The following CHST9 variants were observed in gnomAD, a reference collection of about 807,000 sequenced individuals.
CHST9 encodes the protein carbohydrate sulfotransferase 9.
CHST9 carries 41 observed loss-of-function variants against 44.4 expected under a neutral mutation model. The ratio of observed to expected loss-of-function variants is 0.92; its 90% CI spans 0.72 to 1.20. CHST9 has a LOEUF of 1.20. CHST9 is among the 50% of genes most tolerant of loss of function. The probability of loss-of-function intolerance (pLI) is 0.00; values close to 1 mark genes in which losing one functional copy is unlikely to be tolerated. For missense variants in CHST9, 504 were observed against 516.5 expected, an observed-to-expected ratio of 0.98 and a Z score of 0.23; for synonymous variants, 171 against 178.4, an observed-to-expected ratio of 0.96 and a Z score of 0.33.
At chr18:27,114,101 A>T (rs955549828) in intron 2 of CHST9, among the ~76,000 whole-genome samples, 8 of 152,252 alleles carry the variant, frequency 5.3e-5, no homozygotes, top group Admixed American at 1.3e-4. Flanking sequence ...ACAAACTGAC[A>T]TAATGCAAAC....
chr18:27,172,590 T>C (rs2058841529), intron 1 of CHST9, among the ~76,000 whole-genome samples: 1 of 152,048 alleles, frequency 6.6e-6, no homozygotes, highest in Non-Finnish European at 1.5e-5. Context: ...AACTGATTAC[T>C]AATATATTTG....
At chr18:27,146,668 G>A (rs957307238) in intron 1 of CHST9, among the ~76,000 whole-genome samples, 8 of 152,140 alleles carry the variant, frequency 5.3e-5, no homozygotes, top group Non-Finnish European at 8.8e-5. Flanking sequence ...AATATCTTGA[G>A]CCTAAAAGGT....
chr18:27,034,662 C>G (rs2057373099), intron 3 of CHST9, among the ~76,000 whole-genome samples: 1 of 152,204 alleles, frequency 6.6e-6, no homozygotes, highest in Non-Finnish European at 1.5e-5. Context: ...TGCCCTGCCT[C>G]AGGGCCTTTG....
intron 4 of CHST9, among the ~76,000 whole-genome samples, chr18:26,999,098 G>A (rs1166543327): frequency 1.3e-5 from 2 of 152,156 alleles, no homozygotes; most frequent in African/African-American, 4.8e-5. Context: ...AAATTAGGAT[G>A]GACAGCCTTT....
At chr18:26,951,165 G>T (rs1012337063) in intron 4 of CHST9, among the ~76,000 whole-genome samples, 1 of 152,112 alleles carries the variant, frequency 6.6e-6, no homozygotes, top group Admixed American at 6.5e-5. Flanking sequence ...TGAGCTTCAG[G>T]AATAAAATTT....
intron 1 of CHST9, among the ~76,000 whole-genome samples, chr18:27,151,931 C>T (rs1317708534): frequency 3.9e-5 from 6 of 152,266 alleles, no homozygotes; most frequent in Admixed American, 3.9e-4. Flanking sequence ...AAAACGAACA[C>T]AGTACAATGC....
chr18:27,050,786 T>G (rs2057557066), intron 2 of CHST9, among the ~76,000 whole-genome samples: 1 of 152,188 alleles, frequency 6.6e-6, no homozygotes, highest in Non-Finnish European at 1.5e-5. Context: ...TGCTTACTGT[T>G]GGATTATTCA....
intron 2 of CHST9, among the ~76,000 whole-genome samples, chr18:27,086,927 G>A (rs1251138517): frequency 6.6e-6 from 1 of 151,978 alleles, no homozygotes; most frequent in Non-Finnish European, 1.5e-5. Context: ...CTAACATGAG[G>A]TGGTTTCTTT....
chr18:27,078,344 C>T (rs2057926311), intron 2 of CHST9, among the ~76,000 whole-genome samples: 1 of 152,124 alleles, frequency 6.6e-6, no homozygotes, highest in South Asian at 2.1e-4. Context: ...CTATAAAATG[C>T]TTCACATTGA....
intron 4 of CHST9, among the ~76,000 whole-genome samples, chr18:27,011,581 G>C (rs16943175): frequency 0.26 from 39,820 of 152,180 alleles, 5,789 homozygotes; most frequent in African/African-American, 0.39. Flanking sequence ...CAGGAAACTA[G>C]AGTGGCTACC....
intron 5 of CHST9, among the ~76,000 whole-genome samples, chr18:26,931,240 TG>T (rs1367911914): frequency 6.6e-6 from 1 of 152,204 alleles, no homozygotes; most frequent in African/African-American, 2.4e-5. Flanking sequence ...ATCTGCACCT[TG>T]GGAGGAACAA....
intron 2 of CHST9, among the ~76,000 whole-genome samples, chr18:27,117,406 G>A (rs2058335374): frequency 6.6e-6 from 1 of 151,938 alleles, no homozygotes; most frequent in Admixed American, 6.6e-5. Flanking sequence ...TACTAAAGTG[G>A]ACTCATAGTT....
intron 5 of CHST9, among the ~76,000 whole-genome samples, chr18:26,932,645 C>T (rs571964898): frequency 3.9e-5 from 6 of 152,190 alleles, no homozygotes; most frequent in Non-Finnish European, 7.4e-5. Context: ...GAGATGCTAG[C>T]TCTATAATGC....
At chr18:26,994,999 T>G (rs1390996208) in intron 4 of CHST9, among the ~76,000 whole-genome samples, 1 of 152,072 alleles carries the variant, frequency 6.6e-6, no homozygotes, top group African/African-American at 2.4e-5. Flanking sequence ...GCCTCTCTCT[T>G]TGAGTGCTCA....
At chr18:27,009,523 G>A (rs2057058015) in intron 4 of CHST9, among the ~76,000 whole-genome samples, 1 of 152,194 alleles carries the variant, frequency 6.6e-6, no homozygotes, top group Non-Finnish European at 1.5e-5. Context: ...CTGGGTCTTA[G>A]TATAATTTCC....
At chr18:27,057,939 A>C (rs2057676743) in intron 2 of CHST9, among the ~76,000 whole-genome samples, 1 of 152,218 alleles carries the variant, frequency 6.6e-6, no homozygotes, top group African/African-American at 2.4e-5. Flanking sequence ...GCACGTAATT[A>C]ATGTGACAAA....
In CHST9 at chr18:26,966,017, G is replaced by A. The variant is rs375540866; in HGVS notation, c.203-21651C>T. On this transcript the variant is annotated intron_variant, in intron 4 of 5. Transcript: ENST00000618847. ...TGCCTCAGTTCCTATGCCTAATGTT[G>A]CACAGTTTGGCAAAAAGTAAATAGT... 1.3e-3 allele frequency among the ~76,000 whole-genome samples: 202 copies of A among 152,306 alleles called. 1 individual carries two copies. The highest frequency in any genetic ancestry group is 4.5e-3 in the African/African-American group (189 of 41,572).
At chr18:26,975,609 T>C (rs1399244287) in intron 4 of CHST9, among the ~76,000 whole-genome samples, 3 of 148,726 alleles carry the variant, frequency 2.0e-5, no homozygotes, top group Non-Finnish European at 3.0e-5. Flanking sequence ...GACATGATCT[T>C]ATTCTTTTTA....
At position 26,993,958 on chromosome 18, in the gene CHST9, G is replaced by A. The variant is rs965061439; in HGVS notation, c.202+30158C>T. ...CATTCTGGGGCCTCTCTCCTCGGCTGGGGGATGGCCCTCTTTCTCTTCTCA... is the reference window on the plus strand; with the variant it reads ...CATTCTGGGGCCTCTCTCCTCGGCTAGGGGATGGCCCTCTTTCTCTTCTCA... On this transcript the variant is annotated intron_variant, in intron 4 of 5. Transcript: ENST00000618847. Among the ~76,000 whole-genome samples the A allele has an allele frequency of 2.0e-4, 31 of 152,238 alleles. 1 individual carries two copies. Among genetic ancestry groups the A allele is most frequent in the Non-Finnish European group, 1.5e-5 (1 of 68,042 alleles).
Sources: allele counts gnomAD v4.1 joint callset (sites outside exome capture counted in the v4.1 genomes callset), GRCh38; gene constraint gnomAD v4.1.1; transcripts MANE v1.5; gene names NCBI Gene and HGNC (gene_info 2026-07-23, HGNC 2026-07-21).